The following RAB37 variants were observed in gnomAD, a reference collection of about 807,000 sequenced individuals.
RAB37 encodes the protein ras-related protein Rab-37.
A neutral mutation model predicts 33.1 loss-of-function variants in RAB37; 29 were observed. The observed-to-expected ratio is 0.88, with a 90% CI of 0.65 to 1.20. RAB37 has a LOEUF of 1.20. RAB37 is among the 50% of genes most tolerant of loss of function. The pLI is 0.00. For synonymous variants in RAB37, 128 were observed against 119.5 expected, an observed-to-expected ratio of 1.07 and a Z score of -0.47; for missense variants, 299 against 301.1, an observed-to-expected ratio of 0.99 and a Z score of 0.05.
At chr17:74,708,625 T>C (rs1157646009) in intron 1 of RAB37, among the ~76,000 whole-genome samples, 1 of 152,054 alleles carries the variant, frequency 6.6e-6, no homozygotes, top group East Asian at 1.9e-4. Context: ...CATTAAAAAA[T>C]CAATAAGGAG....
intron 1 of RAB37, among the ~76,000 whole-genome samples, chr17:74,686,793 G>T (rs1333076232): frequency 6.6e-6 from 1 of 152,184 alleles, no homozygotes; most frequent in Non-Finnish European, 1.5e-5. Context: ...AGGATGCAAG[G>T]TCTCTGGGTC....
At chr17:74,717,517 G>A (rs927872663) in intron 1 of RAB37, among the ~76,000 whole-genome samples, 9 of 152,222 alleles carry the variant, frequency 5.9e-5, no homozygotes, top group African/African-American at 9.6e-5. Flanking sequence ...TTATAAGAAA[G>A]GCCCCAGAGG....
At chr17:74,722,280 C>G (rs1420883877) in intron 1 of RAB37, among the ~76,000 whole-genome samples, 1 of 140,214 alleles carries the variant, frequency 7.1e-6, no homozygotes, top group Non-Finnish European at 1.5e-5. Flanking sequence ...GAGACTCTGT[C>G]TCAAAAAAAA....
At chr17:74,680,469 C>A (rs534405269) in intron 1 of RAB37, among the ~76,000 whole-genome samples, 2 of 151,996 alleles carry the variant, frequency 1.3e-5, no homozygotes, top group Non-Finnish European at 1.5e-5. Flanking sequence ...TTTTTTTGTT[C>A]GCTAAGCATG....
At position 74,729,468 on chromosome 17, in the gene RAB37, A is replaced by G. The variant is rs960278305; in HGVS notation, c.183+102A>G. 1.8e-5 allele frequency: 15 copies of G among 835,040 alleles called. No individual in the cohort carries two copies. The highest frequency in any genetic ancestry group is 3.2e-5 in the Non-Finnish European group (15 of 475,400). The allele number at this position is 835,040 out of a possible 1,614,324, so 51.7% of individuals were successfully genotyped here. ...AACAGGTGGACACTCGCATTGGATC[A>G]TTCAAGGAGGATTAAGGAGAAGACT... is the stretch of plus-strand genomic sequence containing the variant. On this transcript the variant is annotated intron_variant, in intron 2 of 7. Coordinates refer to the RAB37 transcript ENST00000340415. This position sits in a 1 kb window ranked among gnomAD's most constrained non-coding sequence, Gnocchi z 4.2.
intron 1 of RAB37, among the ~76,000 whole-genome samples, chr17:74,674,379 C>T (rs1280913578): frequency 6.6e-6 from 1 of 150,992 alleles, no homozygotes; most frequent in African/African-American, 2.4e-5. Flanking sequence ...CCATGCCCAG[C>T]GTGGGGAAAT....
chr17:74,744,051 A>G lies in RAB37; in HGVS notation c.367-257A>G, dbSNP rs1221611598. Among the ~76,000 whole-genome samples, 1 of 152,140 alleles carries G rather than the reference A, an allele frequency of 6.6e-6. No homozygotes were observed. The highest frequency in any genetic ancestry group is 1.5e-5 in the Non-Finnish European group (1 of 68,006). ...TGCTGACAGCCAACTGATTTGTGAG[A>G]TAAGGTCTCCATGCATCTGGATCTT... On this transcript the variant is annotated intron_variant, in intron 5 of 8. Coordinates refer to ENST00000392613, the MANE Select transcript of RAB37 (RefSeq NM_001006638.3). This position sits in a 1 kb window ranked among gnomAD's most constrained non-coding sequence, Gnocchi z 4.2.
intron 1 of RAB37, among the ~76,000 whole-genome samples, chr17:74,728,108 GTCTGTGTGCATGTCTTTGTATATGTT>G (rs1430133385): frequency 8.6e-5 from 13 of 151,908 alleles, no homozygotes; most frequent in Non-Finnish European, 1.3e-4. Flanking sequence ...GTGCATGTGT[GTCTGTGTGCATGTCTTTGTATATGTT>G]TCTGTGTGCA....
intron 1 of RAB37, among the ~76,000 whole-genome samples, chr17:74,728,951 GT>G (rs1206614734): frequency 6.6e-6 from 1 of 151,860 alleles, no homozygotes; most frequent in Non-Finnish European, 1.5e-5. Context: ...TGTGTGTTCT[GT>G]GTGTATGTGT....
intron 1 of RAB37, among the ~76,000 whole-genome samples, chr17:74,693,515 A>G (rs917450247): frequency 2.0e-5 from 3 of 152,212 alleles, no homozygotes; most frequent in Non-Finnish European, 2.9e-5. Context: ...GAGGAAGACC[A>G]GGCAGGGAAT....
upstream of RAB37, among the ~76,000 whole-genome samples, chr17:74,733,246 T>C (rs2034414655): frequency 6.6e-6 from 1 of 152,096 alleles, no homozygotes; most frequent in Admixed American, 6.5e-5. Context: ...ATGGTAGGTG[T>C]GTTTGTTTAT....
At position 74,738,575 on chromosome 17, in the gene RAB37, T is replaced by A. The variant is rs2034536376; in HGVS notation, c.93+1210T>A. ...TGGGTGGGTAGCTGGCATCGTTTGC[T>A]CAAGGCAGCTGTGATCTGTAAAGTA... On this transcript the variant is annotated intron_variant, in intron 1 of 8. Coordinates refer to ENST00000392613, the MANE Select transcript of RAB37 (RefSeq NM_001006638.3). The surrounding 1 kb of genome is among the most constrained non-coding windows in gnomAD (Gnocchi z 5.0). Among the ~76,000 whole-genome samples the A allele has an allele frequency of 6.6e-6, 1 of 152,182 alleles. No individual in the cohort carries two copies. The highest frequency in any genetic ancestry group is 1.5e-5 in the Non-Finnish European group (1 of 68,014).
chr17:74,724,202 T>A (rs1392659607), intron 1 of RAB37, among the ~76,000 whole-genome samples: 1 of 152,134 alleles, frequency 6.6e-6, no homozygotes, highest in Non-Finnish European at 1.5e-5. Flanking sequence ...TAGGGAGACA[T>A]GAGACATCAA....
At chr17:74,722,321 G>T (rs116270711) in intron 1 of RAB37, among the ~76,000 whole-genome samples, 1 of 151,596 alleles carries the variant, frequency 6.6e-6, no homozygotes. Context: ...AGATTTGTCC[G>T]AGAAATTGGC....
chr17:74,696,443 G>A (rs1206691406), intron 1 of RAB37, among the ~76,000 whole-genome samples: 1 of 152,124 alleles, frequency 6.6e-6, no homozygotes, highest in Admixed American at 6.5e-5. Flanking sequence ...GGACACCCCA[G>A]CCCCCTGCTC....
Position 74,745,510 on chromosome 17 carries a change from A to G in RAB37, c.*99A>G, listed in dbSNP as rs1441687625. On this transcript the variant is annotated 3_prime_UTR_variant, in exon 9 of 9. Coordinates refer to ENST00000392613, the MANE Select transcript of RAB37 (RefSeq NM_001006638.3). The surrounding 1 kb of genome is among the most constrained non-coding windows in gnomAD (Gnocchi z 4.5). ...CAAGAGGCTGAGCCAATGGGGAGAA[A>G]GATGGAGGACTCACTGCACAGCCGC... 6 of 968,858 alleles carry G rather than the reference A, an allele frequency of 6.2e-6. No individual in the cohort carries two copies. In the Admixed American group the frequency reaches 9.9e-5, roughly 16 times the overall value. 60.0% of individuals were successfully genotyped at this position (968,858 alleles called of 1,614,324 possible). A position where few individuals can be genotyped will look rare whatever the true frequency, so the allele number is the denominator to read the frequency against.
intron 1 of RAB37, among the ~76,000 whole-genome samples, chr17:74,716,646 T>C (rs1455279586): frequency 1.3e-5 from 2 of 152,016 alleles, no homozygotes; most frequent in African/African-American, 4.8e-5. Flanking sequence ...AGAGCCAAGA[T>C]TCAAACCCAG....
Position 74,747,088 on chromosome 17 carries a change from G to A in RAB37, c.*1677G>A, listed in dbSNP as rs1598334275. On this transcript the variant is annotated 3_prime_UTR_variant, in exon 9 of 9. Transcript: ENST00000392613. Reference sequence around the variant, plus strand: ...GGGAGAGGGGGAGGAAGAAGTATGCGCTGCACATTTCTGAGGCTACTGCAT... The same window carrying A: ...GGGAGAGGGGGAGGAAGAAGTATGCACTGCACATTTCTGAGGCTACTGCAT... The A allele has an allele frequency of 6.6e-6, 1 of 152,392 alleles. No homozygotes were observed. Among genetic ancestry groups the A allele is most frequent in the Non-Finnish European group, 1.5e-5 (1 of 68,140 alleles). The allele number at this position is 152,392 out of a possible 1,614,324, so 9.4% of individuals were successfully genotyped here. A position where few individuals can be genotyped will look rare whatever the true frequency, so the allele number is the denominator to read the frequency against.
Position 74,729,160 on chromosome 17 carries a change from G to C in RAB37, c.73-96G>C. 1 of 805,760 alleles carries C rather than the reference G, an allele frequency of 1.2e-6. No individual in the cohort carries two copies. Among genetic ancestry groups the C allele is most frequent in the South Asian group, 1.3e-5 (1 of 74,080 alleles). The allele number at this position is 805,760 out of a possible 1,614,324, so 49.9% of individuals were successfully genotyped here. On this transcript the variant is annotated intron_variant, in intron 1 of 7. Transcript: ENST00000340415. The surrounding 1 kb of genome is among the most constrained non-coding windows in gnomAD (Gnocchi z 4.2). ...GTGTGTGTGCATGTTGTGCACATGC[G>C]TGCTTAGAAAGAATCCACTCCCACA...
Sources: allele counts gnomAD v4.1 joint callset (sites outside exome capture counted in the v4.1 genomes callset), GRCh38; gene constraint gnomAD v4.1.1; non-coding constraint Gnocchi (gnomAD v3.1); transcripts MANE v1.5; gene names NCBI Gene and HGNC (gene_info 2026-07-23, HGNC 2026-07-21).